Variants in EPS15L1 observed in about 807,000 individuals in gnomAD.
EPS15L1 encodes the protein epidermal growth factor receptor substrate 15-like 1.
EPS15L1 carries 43 observed loss-of-function variants against 117.1 expected under a neutral mutation model. The observed-to-expected ratio is 0.37, with a 90% CI of 0.29 to 0.47. The LOEUF (loss-of-function observed/expected upper bound fraction) is 0.47, where lower values mean the gene tolerates loss of function less well. Among genes scored for constraint, EPS15L1 ranks in the 20% least tolerant of loss-of-function variants. EPS15L1 has a pLI of 0.99. For missense variants in EPS15L1, 981 were observed against 1,164.0 expected, an observed-to-expected ratio of 0.84 and a Z score of 2.29; for synonymous variants, 459 against 470.5, an observed-to-expected ratio of 0.98 and a Z score of 0.32.
intron 16 of EPS15L1, among the ~76,000 whole-genome samples, chr19:16,396,446 G>A (rs2092541885): frequency 6.6e-6 from 1 of 152,036 alleles, no homozygotes; most frequent in African/African-American, 2.4e-5. Context: ...ATTTTTTGTA[G>A]AAATGAAGTC....
At chr19:16,409,088 G>T (rs1375583777) in intron 13 of EPS15L1, among the ~76,000 whole-genome samples, 1 of 152,154 alleles carries the variant, frequency 6.6e-6, no homozygotes, top group Non-Finnish European at 1.5e-5. Context: ...GAATTAGCTA[G>T]GTGTGGCAGT....
intron 3 of EPS15L1, chr19:16,441,426 C>G (rs1002406484): frequency 1.1e-5 from 2 of 174,316 alleles, no homozygotes; most frequent in African/African-American, 4.8e-5. Flanking sequence ...GAGCTGAGAT[C>G]ACGCTACTGC....
At chr19:16,390,631 T>C (rs968849424) in intron 19 of EPS15L1, among the ~76,000 whole-genome samples, 1 of 152,148 alleles carries the variant, frequency 6.6e-6, no homozygotes, top group Non-Finnish European at 1.5e-5. Flanking sequence ...ATTGAAAACA[T>C]ACAGAATATG....
At position 16,450,202 on chromosome 19, in the gene EPS15L1, G is replaced by A. The variant is rs541622480; in HGVS notation, c.34-7983C>T. Among the ~76,000 whole-genome samples the A allele has an allele frequency of 5.9e-5, 9 of 152,134 alleles. No homozygotes were observed. The East Asian group carries it at 1.4e-3, about 23-fold the overall frequency. On this transcript the variant is annotated intron_variant, in intron 1 of 23. Transcript: ENST00000455140. ...TTCAAGGCTGCAGTGAGCTATGATC[G>A]TGCTACTGCACTCCAGCCTGGGCAA...
intron 23 of EPS15L1, among the ~76,000 whole-genome samples, chr19:16,358,986 G>A (rs1198135598): frequency 6.6e-6 from 1 of 152,172 alleles, no homozygotes; most frequent in Non-Finnish European, 1.5e-5. Flanking sequence ...GGTTTCCCGG[G>A]AACAGCCACA....
chr19:16,371,647 G>A lies in EPS15L1; in HGVS notation c.2380+5475C>T, dbSNP rs183204857. Among the ~76,000 whole-genome samples the A allele has an allele frequency of 2.0e-5, 3 of 152,270 alleles. No homozygotes were observed. The highest frequency in any genetic ancestry group is 2.0e-4 in the Admixed American group (3 of 15,296). On this transcript the variant is annotated intron_variant, in intron 22 of 23. Transcript: ENST00000455140. This position sits in a 1 kb window ranked among gnomAD's most constrained non-coding sequence, Gnocchi z 4.7. ...TCACCGGGCGCTGCAGGCAGGAACC[G>A]CAACGCAGGGCCGCGCTGGCAGGAA...
At chr19:16,361,596 TATTGAGAAACTG>T in intron 23 of EPS15L1, 171 bp downstream of exon 23, 6 of 1,330,170 alleles carry the variant, frequency 4.5e-6, no homozygotes, top group Non-Finnish European at 4.8e-6. Flanking sequence ...TTTTTTTTTT[TATTGAGAAACTG>T]TTTTTCTTAC....
chr19:16,395,253 C>A, intron 17 of EPS15L1, 91 bp downstream of exon 17: 1 of 1,211,742 alleles, frequency 8.3e-7, no homozygotes, highest in Non-Finnish European at 1.1e-6. Context: ...CAGATTGTGG[C>A]ATGTCCTTAC....
chr19:16,416,641 T>TAAAA (rs765054072), intron 12 of EPS15L1, among the ~76,000 whole-genome samples: 3 of 128,454 alleles, frequency 2.3e-5, no homozygotes, highest in Admixed American at 7.7e-5. Context: ...TGTCTCAAAT[T>TAAAA]AAAAAAAAAA....
At chr19:16,385,308 A>C in intron 20 of EPS15L1, 97 bp from the exon 21 acceptor site, 1 of 1,002,716 alleles carries the variant, frequency 1.0e-6, no homozygotes, top group Non-Finnish European at 1.6e-6. Context: ...GAACCAGGAG[A>C]CTCAGGAAGG....
chr19:16,471,932 A>T lies in EPS15L1; in HGVS notation c.14T>A (p.Leu5His), dbSNP rs1407204052. 2 of 1,292,740 alleles carry T rather than the reference A, an allele frequency of 1.5e-6. No homozygotes were observed. Among genetic ancestry groups the T allele is most frequent in the East Asian group, 6.3e-5 (2 of 31,782 alleles). 80.1% of individuals were successfully genotyped at this position (1,292,740 alleles called of 1,614,324 possible). The change falls in exon 1 of 24, where the codon CTC becomes CAC. Residue 5 changes from leucine to histidine, a missense_variant. By Grantham distance (99) the Leu-to-His change is moderately conservative. Coordinates refer to ENST00000455140, the MANE Select transcript of EPS15L1 (RefSeq NM_001258374.3). This position sits in a 1 kb window ranked among gnomAD's most constrained non-coding sequence, Gnocchi z 4.8. MAAP[L>H]IPLSQQIPTG... ...CCGTACCTGCTGGGAGAGGGGGATG[A>T]GCGGCGCCGCCATCTTCCCGCGGAC...
chr19:16,400,435 G>C (rs2092588977), intron 16 of EPS15L1, among the ~76,000 whole-genome samples: 1 of 150,886 alleles, frequency 6.6e-6, no homozygotes. Context: ...AACCTGAGTA[G>C]AACTGTCCAA....
rs767359234 is a variant in EPS15L1, at chr19:16,361,841, C to A, written c.2524G>T (p.Val842Phe). 1.2e-6 allele frequency: 2 copies of A among 1,613,996 alleles called. No homozygotes were observed. The highest frequency in any genetic ancestry group is 2.2e-5 in the East Asian group (1 of 44,882). ...GDPFSGKDPFVPSSAAKPSKA... is the reference protein window; with the variant it reads ...GDPFSGKDPFFPSSAAKPSKA... Reference sequence around the variant, plus strand: ...GAAGGTTTAGCTGCAGAGGAGGGGACAAATGGGTCTTTTCCACTAAACGGG... The same window carrying A: ...GAAGGTTTAGCTGCAGAGGAGGGGAAAAATGGGTCTTTTCCACTAAACGGG... Residue 842 changes from valine to phenylalanine, a missense_variant, in exon 23 of 24, where the codon GTC becomes TTC. Val to Phe is a conservative substitution (Grantham distance 50). This residue lies in a region of EPS15L1 where 819 missense variants were observed against 949.0 expected (regional missense o/e 0.86). Coordinates refer to ENST00000455140, the MANE Select transcript of EPS15L1 (RefSeq NM_001258374.3).
chr19:16,434,730 C>G, intron 6 of EPS15L1: 1 of 405,592 alleles, frequency 2.5e-6, no homozygotes, highest in Non-Finnish European at 4.5e-6. Flanking sequence ...GAGGGAGGCC[C>G]TGGCCCCGGG....
chr19:16,438,859 C>T (rs10419156), intron 4 of EPS15L1, among the ~76,000 whole-genome samples: 20,235 of 152,036 alleles, frequency 0.13, 1,406 homozygotes, highest in Non-Finnish European at 0.14. Flanking sequence ...TAAATACACA[C>T]GGTTGGTCAG....
chr19:16,421,552 G>T, intron 9 of EPS15L1, 76 bp from the exon 10 acceptor site: 1 of 1,449,950 alleles, frequency 6.9e-7, no homozygotes, highest in Non-Finnish European at 9.5e-7. Context: ...TGATGATGGG[G>T]CGATTAAAGC....
rs143068227 is a variant in EPS15L1, at chr19:16,363,830, G to A, written c.2381-1846C>T. 1.6e-4 allele frequency among the ~76,000 whole-genome samples: 24 copies of A among 152,280 alleles called. 1 individual carries two copies. Among genetic ancestry groups the A allele is most frequent in the Middle Eastern group, 3.4e-3 (1 of 294 alleles). The stretch of plus-strand genomic sequence containing the variant: ...ATGGAAATTCACTTTTCTCTCAACC[G>A]GCAGTTCTGGGCCAGCATAAGGACT... On this transcript the variant is annotated intron_variant, in intron 22 of 23. Transcript: ENST00000455140.
intron 13 of EPS15L1, among the ~76,000 whole-genome samples, chr19:16,412,317 T>C (rs930362628): frequency 4.0e-5 from 6 of 151,858 alleles, no homozygotes; most frequent in African/African-American, 7.3e-5. Context: ...CTAGCCAACA[T>C]GGTGAAACCC....
intron 13 of EPS15L1, among the ~76,000 whole-genome samples, chr19:16,411,960 A>G (rs542998217): frequency 1.3e-5 from 2 of 152,248 alleles, no homozygotes; most frequent in Admixed American, 1.3e-4. Flanking sequence ...CGGCCTCCCA[A>G]AGTGCTGGGA....
Sources: allele counts gnomAD v4.1 joint callset (sites outside exome capture counted in the v4.1 genomes callset), GRCh38; gene constraint gnomAD v4.1.1; regional missense constraint gnomAD v4.1.1; non-coding constraint Gnocchi (gnomAD v3.1); transcripts MANE v1.5; gene names NCBI Gene and HGNC (gene_info 2026-07-23, HGNC 2026-07-21).